RRP12: variants seen among roughly 807,000 people sequenced by gnomAD.
RRP12 encodes the protein RRP12-like protein.
RRP12 carries 78 observed loss-of-function variants against 157.3 expected under a neutral mutation model. That is an observed-to-expected ratio of 0.50 (90% CI 0.41 to 0.60). The LOEUF (loss-of-function observed/expected upper bound fraction) is 0.60. Among genes scored for constraint, RRP12 ranks in the 20% least tolerant of loss-of-function variants. RRP12 has a pLI of 0.00. For missense variants in RRP12, 1,521 were observed against 1,679.9 expected, an observed-to-expected ratio of 0.91 and a Z score of 1.65; for synonymous variants, 726 against 670.9, an observed-to-expected ratio of 1.08 and a Z score of -1.27.
chr10:97,374,121 G>C (rs1844238556), intron 15 of RRP12, among the ~76,000 whole-genome samples: 1 of 152,124 alleles, frequency 6.6e-6, no homozygotes, highest in African/African-American at 2.4e-5. Context: ...GATAGCCTCT[G>C]TTTCTTGTTA....
Position 97,363,918 on chromosome 10 carries a change from G to T in RRP12, c.3518-15C>A, listed in dbSNP as rs1843907116. 1 of 1,613,456 alleles carries T rather than the reference G, an allele frequency of 6.2e-7. No individual in the cohort carries two copies. Among genetic ancestry groups the T allele is most frequent in the Non-Finnish European group, 8.5e-7 (1 of 1,179,402 alleles). Reference sequence around the variant, plus strand: ...TTCATCTTCGCCTGGAGCCAAAAAAGAGAGGCCCATGAGCGCTGTGGGAGC... The same window carrying T: ...TTCATCTTCGCCTGGAGCCAAAAAATAGAGGCCCATGAGCGCTGTGGGAGC... On this transcript the variant is annotated splice_polypyrimidine_tract_variant and intron_variant, in intron 29 of 33. Transcript: ENST00000370992.
chr10:97,370,066 C>T, intron 24 of RRP12, 101 bp downstream of exon 24: 1 of 809,946 alleles, frequency 1.2e-6, no homozygotes, highest in Non-Finnish European at 2.0e-6. Flanking sequence ...CTTACTTCCT[C>T]CAGGCACCTT....
Position 97,366,764 on chromosome 10 carries a change from G to C in RRP12, c.3193C>G (p.Pro1065Ala). ...EEEEEEEEEEPAQGKGDSIEE... is the reference protein window; with the variant it reads ...EEEEEEEEEEAAQGKGDSIEE... ...CACCTGTCACCTTTGCCCTGGGCGG[G>C]CTCCTCCTCCTCCTCCTCCTCTTCT... The change falls in exon 27 of 34, where the codon CCC becomes GCC. Residue 1065 changes from proline to alanine, a missense_variant. Physicochemically the swap from Pro to Ala is conservative, Grantham distance 27 (BLOSUM62 -1). Transcript: ENST00000370992. The C allele has an allele frequency of 6.2e-7, 1 of 1,603,414 alleles. No individual in the cohort carries two copies. Among genetic ancestry groups the C allele is most frequent in the South Asian group, 1.1e-5 (1 of 90,618 alleles).
At chr10:97,372,271 G>A (rs1359534779) in intron 19 of RRP12, 105 bp from the exon 20 acceptor site, 12 of 763,988 alleles carry the variant, frequency 1.6e-5, no homozygotes, top group African/African-American at 6.8e-5. Context: ...AGAAGTCAGG[G>A]TGAGGACAAG....
In RRP12 at chr10:97,366,865, A is replaced by C. The variant is rs760527429; in HGVS notation, c.3092T>G (p.Val1031Gly). The change falls in exon 27 of 34, where the codon GTC becomes GGC. Residue 1031 changes from valine to glycine, a missense_variant. Transcript: ENST00000370992. ...CTCAGCTTTCCGGATGTTGACCAGG[A>C]CTCTGTGGTACTCCTCGGGCAACAG... is the stretch of plus-strand genomic sequence containing the variant. ...KRLLPEEYHR[V>G]LVNIRKAEAR... 6.2e-7 allele frequency: 1 copy of C among 1,613,816 alleles called. No individual in the cohort carries two copies. The highest frequency in any genetic ancestry group is 8.5e-7 in the Non-Finnish European group (1 of 1,179,976).
At chr10:97,395,205 T>TACACACACACACAC (rs1377215101) in intron 3 of RRP12, among the ~76,000 whole-genome samples, 1 of 105,166 alleles carries the variant, frequency 9.5e-6, no homozygotes, top group Non-Finnish European at 1.9e-5. Context: ...TATATACACA[T>TACACACACACACAC]ATACACACAC....
intron 10 of RRP12, among the ~76,000 whole-genome samples, chr10:97,382,186 C>CT (rs112456718): frequency 1.2e-3 from 185 of 149,288 alleles, no homozygotes; most frequent in African/African-American, 3.5e-3. Context: ...CTTCTGCTAA[C>CT]TTTTTTTTTT....
Position 97,376,076 on chromosome 10 carries a change from T to G in RRP12, c.1799-2182A>C, listed in dbSNP as rs955756209. ...CAAGATCGCACCACTGCACTCCAGC[T>G]TGGGCAACAGAGCAAGACTCTGTCT... is the stretch of plus-strand genomic sequence containing the variant. On this transcript the variant is annotated intron_variant, in intron 15 of 33. Coordinates refer to ENST00000370992, the MANE Select transcript of RRP12 (RefSeq NM_015179.4). Among the ~76,000 whole-genome samples the G allele has an allele frequency of 5.3e-5, 8 of 151,386 alleles. 2 individuals are homozygous for G. Among genetic ancestry groups the G allele is most frequent in the Admixed American group, 5.3e-4 (8 of 15,176 alleles).
At chr10:97,385,635 T>C (rs1432273789) in intron 9 of RRP12, among the ~76,000 whole-genome samples, 1 of 152,150 alleles carries the variant, frequency 6.6e-6, no homozygotes, top group Non-Finnish European at 1.5e-5. Flanking sequence ...AAGGTATCTA[T>C]GAGCACCACG....
chr10:97,367,095 C>G lies in RRP12; in HGVS notation c.2993G>C (p.Arg998Pro). 6.2e-7 allele frequency: 1 copy of G among 1,614,184 alleles called. No individual in the cohort carries two copies. The highest frequency in any genetic ancestry group is 8.5e-7 in the Non-Finnish European group (1 of 1,180,026). ...GTTCCGAAGCTTCATGCGGAAGTGCCGCCGCATGTCATCTGAAAGCTTCCC... is the reference window on the plus strand; with the variant it reads ...GTTCCGAAGCTTCATGCGGAAGTGCGGCCGCATGTCATCTGAAAGCTTCCC... Reference protein sequence around the residue: ...AIGKLSDDMRRHFRMKLRNLF... With the variant: ...AIGKLSDDMRPHFRMKLRNLF... Residue 998 changes from arginine to proline, a missense_variant, in exon 26 of 34, where the codon CGG becomes CCG. Physicochemically the swap from Arg to Pro is moderately radical, Grantham distance 103. Coordinates refer to ENST00000370992, the MANE Select transcript of RRP12 (RefSeq NM_015179.4).
chr10:97,384,382 T>C (rs1357370035), intron 10 of RRP12, among the ~76,000 whole-genome samples: 1 of 132,928 alleles, frequency 7.5e-6, no homozygotes, highest in Non-Finnish European at 1.6e-5. Flanking sequence ...CTTGGCAGCC[T>C]GGACAAGAGG....
chr10:97,371,109 C>A lies in RRP12; in HGVS notation c.2344-28G>T, dbSNP rs752574216. The A allele has an allele frequency of 8.8e-5, 142 of 1,609,266 alleles. 1 individual carries two copies. The South Asian group carries it at 1.2e-3, about 14-fold the overall frequency. The stretch of plus-strand genomic sequence containing the variant: ...GGCAGACAGGAACCGGTGAGGGAGG[C>A]CTGGGGCTCACTCCCTGTCCAATGC... On this transcript the variant is annotated intron_variant, in intron 20 of 33. Transcript: ENST00000370992.
rs766835996 is a variant in RRP12 at position 97,390,477 on chromosome 10, C to A, written c.699G>T (p.Val233=). The part of the protein sequence containing the change: ...KQDLEAWGYP[V]TLQVYHGLLS... The stretch of plus-strand genomic sequence containing the variant: ...GCAGCCCATGGTACACCTGAAGGGT[C>A]ACGGGGTAGCCCCAGGCCTCCAGGT... The change falls in exon 6 of 34, where the codon GTG becomes GTT. Residue 233 remains valine (V), a synonymous_variant. Coordinates refer to ENST00000370992, the MANE Select transcript of RRP12 (RefSeq NM_015179.4). The A allele has an allele frequency of 6.2e-7, 1 of 1,614,162 alleles. No individual in the cohort carries two copies. The highest frequency in any genetic ancestry group is 8.5e-7 in the Non-Finnish European group (1 of 1,180,036).
Position 97,401,101 on chromosome 10 carries a change from C to A in RRP12, c.131G>T (p.Arg44Leu). 6.2e-7 allele frequency: 1 copy of A among 1,613,410 alleles called. No individual in the cohort carries two copies. Residue 44 changes from arginine to leucine, a missense_variant, in exon 1 of 34, where the codon CGG becomes CTG. Arg to Leu is a moderately radical substitution (Grantham distance 102). Transcript: ENST00000370992. ...RQAARSRFFS[R>L]PSGRSDLTVD... ...GGTCTCAACCCAGCTACCTGACGGC[C>A]GGCTGAAGAAGCGGCTGCGGGCGGC...
chr10:97,373,694 A>G lies in RRP12; in HGVS notation c.1907T>C (p.Val636Ala), dbSNP rs1357509639. 6.2e-7 allele frequency: 1 copy of G among 1,613,746 alleles called. No individual in the cohort carries two copies. The highest frequency in any genetic ancestry group is 8.5e-7 in the Non-Finnish European group (1 of 1,179,798). ...TGCCAGCCCTTTGAAGGAGATGGCCACATCTGTAGGCCTTGTGCAGAACCC... is the reference window on the plus strand; with the variant it reads ...TGCCAGCCCTTTGAAGGAGATGGCCGCATCTGTAGGCCTTGTGCAGAACCC... Reference protein sequence around the residue: ...LPGFCTRPTDVAISFKGLART... With the variant: ...LPGFCTRPTDAAISFKGLART... Residue 636 changes from valine to alanine, a missense_variant, in exon 17 of 34, where the codon GTG (valine) becomes GCG (alanine). Coordinates refer to ENST00000370992, the MANE Select transcript of RRP12 (RefSeq NM_015179.4).
At chr10:97,401,067 C>T in intron 1 of RRP12, 26 bp downstream of exon 1, 1 of 1,609,774 alleles carries the variant, frequency 6.2e-7, no homozygotes, top group Non-Finnish European at 8.5e-7. Context: ...CCGCCCCCGG[C>T]TGCGCTCGGG....
At position 97,400,355 on chromosome 10, in the gene RRP12, AGGTGACGTTTGTGCAGTC is replaced by A. The variant is rs764773463; in HGVS notation, c.301_318del (p.Asp101_Thr106del). 67 of 1,613,666 alleles carry A rather than the reference AGGTGACGTTTGTGCAGTC, an allele frequency of 4.2e-5. No individual in the cohort carries two copies. The highest frequency in any genetic ancestry group is 5.9e-6 in the Non-Finnish European group (7 of 1,180,012). ...TCCCAGAAGCGCTGTACTTTGCTGA[AGGTGACGTTTGTGCAGTC>A]GGAAAGGCCACTCAGGAAGGTACCC... is the stretch of plus-strand genomic sequence containing the variant. On this transcript the variant is annotated inframe_deletion, in exon 2 of 34. Coordinates refer to ENST00000370992, the MANE Select transcript of RRP12 (RefSeq NM_015179.4).
chr10:97,358,540 C>T lies in RRP12; in HGVS notation c.3788G>A (p.Arg1263His), dbSNP rs369722226. The change falls in exon 33 of 34, where the codon CGC becomes CAC. Residue 1263 changes from arginine to histidine, a missense_variant. Transcript: ENST00000370992. ...CCTGCCTGGCACAGCGTCATACCTG[C>T]GGTTGAGCTTGCTTCTGTTGAGGGG... Reference protein sequence around the residue: ...YIPLNRSKLNRRKKMKLQGQF... With the variant: ...YIPLNRSKLNHRKKMKLQGQF... 8.7e-6 allele frequency: 14 copies of T among 1,612,618 alleles called. No homozygotes were observed. Among genetic ancestry groups the T allele is most frequent in the African/African-American group, 6.7e-5 (5 of 74,836 alleles).
intron 15 of RRP12, among the ~76,000 whole-genome samples, chr10:97,375,527 A>G (rs1260576371): frequency 6.6e-6 from 1 of 152,184 alleles, no homozygotes; most frequent in Non-Finnish European, 1.5e-5. Context: ...AACATAAATC[A>G]GTACGCACTT....
Sources: allele counts gnomAD v4.1 joint callset (sites outside exome capture counted in the v4.1 genomes callset), GRCh38; gene constraint gnomAD v4.1.1; transcripts MANE v1.5; gene names NCBI Gene and HGNC (gene_info 2026-07-23, HGNC 2026-07-21).